Variants in CPA6 observed in about 807,000 individuals in gnomAD.
CPA6 encodes the protein carboxypeptidase B.
CPA6 carries 58 observed loss-of-function variants against 63.3 expected under a neutral mutation model. The observed-to-expected ratio is 0.92, with a 90% CI of 0.74 to 1.14. The LOEUF (loss-of-function observed/expected upper bound fraction) is 1.14. CPA6 is among the 50% of genes most tolerant of loss of function. The probability of loss-of-function intolerance (pLI) is 0.00; values close to 1 mark genes in which losing one functional copy is unlikely to be tolerated. For missense variants in CPA6, 565 were observed against 526.6 expected, an observed-to-expected ratio of 1.07 and a Z score of -0.71; for synonymous variants, 185 against 179.0, an observed-to-expected ratio of 1.03 and a Z score of -0.27.
At chr8:67,559,419 C>T (rs755334343) in intron 2 of CPA6, among the ~76,000 whole-genome samples, 14 of 151,986 alleles carry the variant, frequency 9.2e-5, no homozygotes, top group Admixed American at 4.6e-4. Flanking sequence ...TTTGTGAATT[C>T]GGCCTCAGGA....
intron 2 of CPA6, among the ~76,000 whole-genome samples, chr8:67,547,984 A>G (rs1188992457): frequency 6.6e-6 from 1 of 152,224 alleles, no homozygotes; most frequent in African/African-American, 2.4e-5. Flanking sequence ...TGTATTATAT[A>G]TTCTATGTGA....
chr8:67,574,681 C>T (rs1208650535), intron 2 of CPA6, among the ~76,000 whole-genome samples: 1 of 151,982 alleles, frequency 6.6e-6, no homozygotes, highest in Non-Finnish European at 1.5e-5. Context: ...AACTGGATAT[C>T]CATATGCAAA....
At position 67,442,840 on chromosome 8, in the gene CPA6, G is replaced by A. The variant is rs749490370; in HGVS notation, c.839-8600C>T. Among the ~76,000 whole-genome samples the A allele has an allele frequency of 5.3e-5, 8 of 152,018 alleles. No individual in the cohort carries two copies. The South Asian group carries it at 1.2e-3, about 24-fold the overall frequency. On this transcript the variant is annotated intron_variant, in intron 8 of 10. Transcript: ENST00000297770. ...CAAGCCCACATTTCCCCACAGCTGCGCCTCGCCAATGACTGATCATAGTAG... is the reference window on the plus strand; with the variant it reads ...CAAGCCCACATTTCCCCACAGCTGCACCTCGCCAATGACTGATCATAGTAG...
intron 6 of CPA6, among the ~76,000 whole-genome samples, chr8:67,498,897 C>T (rs1439277144): frequency 6.6e-6 from 1 of 152,172 alleles, no homozygotes; most frequent in Non-Finnish European, 1.5e-5. Flanking sequence ...AAGGTGATGG[C>T]TCTACGTTTT....
At chr8:67,660,126 T>C (rs1816074584) in intron 1 of CPA6, among the ~76,000 whole-genome samples, 1 of 152,086 alleles carries the variant, frequency 6.6e-6, no homozygotes. Flanking sequence ...GGAGGCAGTG[T>C]AGCATAATGG....
At chr8:67,745,103 A>G (rs1027013033) in intron 1 of CPA6, among the ~76,000 whole-genome samples, 5 of 152,228 alleles carry the variant, frequency 3.3e-5, no homozygotes, top group Non-Finnish European at 7.3e-5. Flanking sequence ...CATGATCCAG[A>G]TCTACATGAA....
intron 1 of CPA6, among the ~76,000 whole-genome samples, chr8:67,719,209 G>T (rs1386489440): frequency 6.6e-6 from 1 of 152,122 alleles, no homozygotes; most frequent in Non-Finnish European, 1.5e-5. Context: ...AGAACTGGGG[G>T]AACAAAGAGC....
intron 8 of CPA6, among the ~76,000 whole-genome samples, chr8:67,455,925 A>C (rs1307999611): frequency 1.3e-5 from 2 of 151,920 alleles, no homozygotes; most frequent in Non-Finnish European, 2.9e-5. Context: ...ATATTATCTG[A>C]GTTGATCTTG....
At chr8:67,544,918 T>C (rs906242514) in intron 2 of CPA6, among the ~76,000 whole-genome samples, 17 of 152,278 alleles carry the variant, frequency 1.1e-4, no homozygotes, top group South Asian at 6.2e-4. Flanking sequence ...TTTGCAGATA[T>C]TTTAGATCCA....
intron 2 of CPA6, among the ~76,000 whole-genome samples, chr8:67,577,740 T>C (rs1173083988): frequency 6.6e-6 from 1 of 152,154 alleles, no homozygotes; most frequent in East Asian, 1.9e-4. Context: ...CCAGGAGAAA[T>C]AAATGTCATT....
chr8:67,589,938 T>A (rs1814064734), intron 2 of CPA6, among the ~76,000 whole-genome samples: 2 of 151,992 alleles, frequency 1.3e-5, no homozygotes, highest in African/African-American at 2.4e-5. Context: ...GTGCACAATG[T>A]GCAGGTTAGT....
intron 6 of CPA6, among the ~76,000 whole-genome samples, chr8:67,485,331 A>C (rs1007965014): frequency 6.6e-6 from 1 of 152,058 alleles, no homozygotes; most frequent in African/African-American, 2.4e-5. Context: ...CCTTTTTATT[A>C]CTTCCTGATC....
At chr8:67,656,484 G>A (rs1815987836) in intron 1 of CPA6, among the ~76,000 whole-genome samples, 1 of 152,172 alleles carries the variant, frequency 6.6e-6, no homozygotes, top group African/African-American at 2.4e-5. Flanking sequence ...CACAGATCAT[G>A]ACAAAGAACT....
At chr8:67,652,478 T>G (rs1345830958) in intron 1 of CPA6, among the ~76,000 whole-genome samples, 1 of 152,042 alleles carries the variant, frequency 6.6e-6, no homozygotes, top group Admixed American at 6.5e-5. Flanking sequence ...TTGATTTGCA[T>G]TTCTCTGATG....
chr8:67,467,732 GC>G (rs2128958221), intron 8 of CPA6, among the ~76,000 whole-genome samples: 1 of 152,122 alleles, frequency 6.6e-6, no homozygotes, highest in South Asian at 2.1e-4. Flanking sequence ...ACCGGGCACG[GC>G]GGCTTATGCC....
chr8:67,423,178 G>A (rs1809806911), intron 10 of CPA6, among the ~76,000 whole-genome samples: 1 of 152,076 alleles, frequency 6.6e-6, no homozygotes, highest in African/African-American at 2.4e-5. Context: ...TCCGCCTCCT[G>A]GGTTCAAGTG....
chr8:67,635,625 G>A (rs138466637), intron 1 of CPA6, among the ~76,000 whole-genome samples: 3,241 of 151,598 alleles, frequency 0.021, 72 homozygotes, highest in South Asian at 0.08. Flanking sequence ...AAATTAGCTG[G>A]GCATGGTGGT....
intron 2 of CPA6, among the ~76,000 whole-genome samples, chr8:67,588,809 A>G (rs2128980307): frequency 6.6e-6 from 1 of 152,280 alleles, no homozygotes; most frequent in Admixed American, 6.5e-5. Context: ...TATCAAGATC[A>G]CGAGTGATGG....
chr8:67,578,022 T>G (rs1309793331), intron 2 of CPA6, among the ~76,000 whole-genome samples: 3 of 152,250 alleles, frequency 2.0e-5, no homozygotes, highest in Non-Finnish European at 4.4e-5. Context: ...GGCTAAAATT[T>G]GAATTGCATA....
Sources: gnomAD v4.1 joint callset for allele counts (sites outside exome capture counted in the v4.1 genomes callset) on GRCh38, gnomAD v4.1.1 for gene constraint, MANE v1.5 for transcripts, NCBI Gene and HGNC (gene_info 2026-07-23, HGNC 2026-07-21) for gene names.